TRIM27: variants seen among roughly 807,000 people sequenced by gnomAD.
The protein encoded by TRIM27 is tripartite motif containing 27, also known as zinc finger protein RFP.
A neutral mutation model predicts 57.6 loss-of-function variants in TRIM27; 12 were observed. That is an observed-to-expected ratio of 0.21 (90% CI 0.13 to 0.34). The LOEUF is 0.34. TRIM27 is among the 10% of genes least tolerant of loss of function. The probability of loss-of-function intolerance (pLI) is 1.00; values close to 1 mark genes in which losing one functional copy is unlikely to be tolerated. For synonymous variants in TRIM27, 266 were observed against 259.0 expected (o/e 1.03, Z -0.26); for missense variants, 403 against 656.8 (o/e 0.61, Z 4.22).
At chr6:28,916,194 C>T (rs1020117225) in intron 3 of TRIM27, among the ~76,000 whole-genome samples, 1 of 152,052 alleles carries the variant, frequency 6.6e-6, no homozygotes, top group African/African-American at 2.4e-5. Context: ...GGATTACAGG[C>T]GTGAGCCGCC....
intron 1 of TRIM27, among the ~76,000 whole-genome samples, chr6:28,922,230 T>C (rs543630924): frequency 6.6e-6 from 1 of 152,320 alleles, no homozygotes; most frequent in Admixed American, 6.5e-5. Context: ...GTCAGGACTA[T>C]TTGTGTCTAT....
chr6:28,917,451 G>A (rs1028303794), intron 3 of TRIM27, among the ~76,000 whole-genome samples: 16 of 151,958 alleles, frequency 1.1e-4, no homozygotes, highest in Non-Finnish European at 2.4e-4. Flanking sequence ...GGTGGCACAC[G>A]CCTGTAATCC....
intron 7 of TRIM27, chr6:28,906,987 C>T: frequency 2.0e-6 from 1 of 493,258 alleles, no homozygotes; most frequent in Non-Finnish European, 3.6e-6. Context: ...CGGTTTCCAC[C>T]CTATAATCCT....
At chr6:28,914,820 T>G (rs1189265217) in intron 3 of TRIM27, 1 of 152,170 alleles carries the variant, frequency 6.6e-6, no homozygotes, top group African/African-American at 2.4e-5. Flanking sequence ...AATCTTTGAA[T>G]GTTTTATAAT....
chr6:28,920,173 G>C lies in TRIM27; in HGVS notation c.586C>G (p.His196Asp). Residue 196 changes from histidine (H) to aspartate (D), a missense_variant, in exon 3 of 8, where the codon CAT becomes GAT. By Grantham distance (81) the His-to-Asp change is moderately conservative. Coordinates refer to ENST00000377199, the MANE Select transcript of TRIM27 (RefSeq NM_006510.5). The stretch of plus-strand genomic sequence containing the variant: ...AGGCGGGCCAGGAGGCGATACTCAT[G>C]CTCCTTTAAGGAGTGATACAGCTGC... ...FEQLYHSLKE[H>D]EYRLLARLEE... 1 of 1,614,190 alleles carries C rather than the reference G, an allele frequency of 6.2e-7. No individual in the cohort carries two copies. Among genetic ancestry groups the C allele is most frequent in the Non-Finnish European group, 8.5e-7 (1 of 1,180,016 alleles).
In TRIM27 at chr6:28,903,128, T is replaced by C. The variant is rs893427826; in HGVS notation, c.*942A>G. The C allele has an allele frequency of 1.3e-5, 3 of 231,686 alleles. No homozygotes were observed. The highest frequency in any genetic ancestry group is 2.6e-5 in the Non-Finnish European group (3 of 117,192). 14.4% of individuals were successfully genotyped at this position (231,686 alleles called of 1,614,324 possible). A position where few individuals can be genotyped will look rare whatever the true frequency, so the allele number is the denominator to read the frequency against. On this transcript the variant is annotated 3_prime_UTR_variant, in exon 8 of 8. Coordinates refer to ENST00000377199, the MANE Select transcript of TRIM27 (RefSeq NM_006510.5). The stretch of plus-strand genomic sequence containing the variant: ...AGCCTTCTGACTTCAGAGTGTCTCA[T>C]GATCCAATGGCCATGGGGACGGAGC...
intron 6 of TRIM27, chr6:28,907,995 ATAAT>A (rs1772895863): frequency 5.7e-6 from 1 of 174,500 alleles, no homozygotes; most frequent in Non-Finnish European, 1.2e-5. Context: ...GTAATTTCTA[ATAAT>A]TAAGAGAAGG....
intron 3 of TRIM27, among the ~76,000 whole-genome samples, chr6:28,913,128 G>A (rs1198479025): frequency 6.6e-6 from 1 of 151,830 alleles, no homozygotes; most frequent in Admixed American, 6.6e-5. Context: ...GGTGGCGTAT[G>A]CCTGTAATCC....
intron 5 of TRIM27, 34 bp from the exon 6 acceptor site, chr6:28,908,874 C>T (rs769471563): frequency 1.9e-5 from 31 of 1,612,462 alleles, no homozygotes; most frequent in Middle Eastern, 1.6e-4. Context: ...ATTCAGTCTG[C>T]ATCCCACTAT....
At chr6:28,913,269 A>AATATATATAT (rs1219781094) in intron 3 of TRIM27, among the ~76,000 whole-genome samples, 1 of 135,584 alleles carries the variant, frequency 7.4e-6, no homozygotes, top group East Asian at 2.0e-4. Flanking sequence ...AAAAAAAAAA[A>AATATATATAT]ATATATATAT....
chr6:28,904,845 C>G lies in TRIM27; in HGVS notation c.947-180G>C, dbSNP rs1772645329. On this transcript the variant is annotated intron_variant, in intron 7 of 7. Transcript: ENST00000377199. This position sits in a 1 kb window ranked among gnomAD's most constrained non-coding sequence, Gnocchi z 6.1. ...ATTACTGCTTGGATTAGCTGGTTAC[C>G]AGAATACTCTGAAAATACAGAATTT... 3.4e-6 allele frequency: 2 copies of G among 582,130 alleles called. No homozygotes were observed. The highest frequency in any genetic ancestry group is 1.9e-5 in the African/African-American group (1 of 53,786). 36.1% of individuals were successfully genotyped at this position (582,130 alleles called of 1,614,324 possible). A position where few individuals can be genotyped will look rare whatever the true frequency, so the allele number is the denominator to read the frequency against.
chr6:28,908,900 T>C (rs1772972333), intron 5 of TRIM27, 60 bp from the exon 6 acceptor site: 2 of 1,606,948 alleles, frequency 1.2e-6, no homozygotes, highest in Admixed American at 3.3e-5. Context: ...TGGAAAATTA[T>C]CCTCTTCATC....
Position 28,921,910 on chromosome 6 carries a change from C to T in TRIM27, c.498G>A (p.Gln166=). Residue 166 remains glutamine, a synonymous_variant, in exon 2 of 8, where the codon CAG becomes CAA. Coordinates refer to ENST00000377199, the MANE Select transcript of TRIM27 (RefSeq NM_006510.5). Reference sequence around the variant, plus strand: ...CCCTTACCAAGAGTTCAGCTCGTGCCTGTTCCCCCTGGGCCCGACGTCTCT... The same window carrying T: ...CCCTTACCAAGAGTTCAGCTCGTGCTTGTTCCCCCTGGGCCCGACGTCTCT... ...LKKRRRAQGE[Q]ARAELLSLTQ... is the part of the protein sequence containing the mutation. 6.2e-7 allele frequency: 1 copy of T among 1,613,012 alleles called. No individual in the cohort carries two copies. Among genetic ancestry groups the T allele is most frequent in the Non-Finnish European group, 8.5e-7 (1 of 1,179,956 alleles).
chr6:28,904,417 T>A lies in TRIM27; in HGVS notation c.1195A>T (p.Thr399Ser). The change falls in exon 8 of 8, where the codon ACC becomes TCC. Residue 399 changes from threonine (T) to serine (S), a missense_variant. Physicochemically the swap from Thr to Ser is moderately conservative, Grantham distance 58 (BLOSUM62 1). Transcript: ENST00000377199. The surrounding 1 kb of genome is among the most constrained non-coding windows in gnomAD (Gnocchi z 6.1). The part of the protein sequence containing the change: ...EDSVCRKGGV[T>S]SAPQNGFWAV... ...CAGAATCCATTCTGGGGGGCTGAGG[T>A]TACTCCACCTTTTCTGCACACTGAG... 1 of 1,612,970 alleles carries A rather than the reference T, an allele frequency of 6.2e-7. No individual in the cohort carries two copies.
In TRIM27 at chr6:28,921,820, AG is replaced by A; in HGVS notation, c.516+71del. 3.2e-6 allele frequency: 4 copies of A among 1,260,070 alleles called. No homozygotes were observed. In the South Asian group the frequency reaches 4.8e-5, roughly 15 times the overall value. 78.1% of individuals were successfully genotyped at this position (1,260,070 alleles called of 1,614,324 possible). ...CTGGGTGACATGCTGGACAAGTTTA[AG>A]GGAAGTAACATCAGCTCTACAGAAG... On this transcript the variant is annotated intron_variant, in intron 2 of 7. Transcript: ENST00000377199.
chr6:28,909,275 T>C (rs965596367), intron 4 of TRIM27, among the ~76,000 whole-genome samples, 187 bp from the exon 5 acceptor site: 1 of 152,136 alleles, frequency 6.6e-6, no homozygotes, highest in African/African-American at 2.4e-5. Flanking sequence ...ACCCAGCTAA[T>C]TTTGTGTTTT....
At chr6:28,910,394 ATCTCAGC>A (rs1458754720) in intron 4 of TRIM27, among the ~76,000 whole-genome samples, 1 of 151,866 alleles carries the variant, frequency 6.6e-6, no homozygotes, top group African/African-American at 2.4e-5. Flanking sequence ...CAGTGGCATG[ATCTCAGC>A]TCACTGCAAC....
At position 28,911,722 on chromosome 6, in the gene TRIM27, C is replaced by G; in HGVS notation, c.748-4G>C. 1 of 1,609,530 alleles carries G rather than the reference C, an allele frequency of 6.2e-7. No homozygotes were observed. Among genetic ancestry groups the G allele is most frequent in the South Asian group, 1.1e-5 (1 of 90,102 alleles). On this transcript the variant is annotated splice_region_variant and splice_polypyrimidine_tract_variant and intron_variant, in intron 3 of 7. Transcript: ENST00000377199. ...TGCTCAATGTGTCCCCAATGTCCTG[C>G]AAGAGAAAGGAAAAAAAATAACCAT... is the stretch of plus-strand genomic sequence containing the variant.
At chr6:28,907,028 T>G in intron 7 of TRIM27, 1 of 545,818 alleles carries the variant, frequency 1.8e-6, no homozygotes, top group Admixed American at 3.5e-5. Context: ...TTTTACCCTA[T>G]GGCTTCAGCT....
Sources: allele counts gnomAD v4.1 joint callset (sites outside exome capture counted in the v4.1 genomes callset), GRCh38; gene constraint gnomAD v4.1.1; non-coding constraint Gnocchi (gnomAD v3.1); transcripts MANE v1.5; gene names NCBI Gene and HGNC (gene_info 2026-07-23, HGNC 2026-07-21).